RAD51B: variants seen among roughly 807,000 people sequenced by gnomAD.
RAD51B encodes RAD51 paralog B.
Under a neutral mutation model 42.2 loss-of-function variants are expected in RAD51B, and 38 were observed. The ratio of observed to expected loss-of-function variants is 0.90; its 90% CI spans 0.70 to 1.18. The LOEUF is 1.18. Among genes scored for constraint, RAD51B ranks in the 50% most tolerant of loss-of-function variants. The pLI, the probability that RAD51B is intolerant of heterozygous loss-of-function variation, is 0.00. For missense variants in RAD51B, 373 were observed against 400.7 expected (o/e 0.93, Z 0.59); for synonymous variants, 154 against 145.2 (o/e 1.06, Z -0.43).
rs571782256 is a variant in RAD51B, at chr14:68,665,712, C to T, written c.*11+14856C>T. ...TACTGCCCCTAGAGGTGCTTTTCCA[C>T]GAATGGCTAGATTATGAATGTTTAA... is the stretch of plus-strand genomic sequence containing the variant. On this transcript the variant is annotated intron_variant, in intron 11 of 11. Transcript: ENST00000488612. Among the ~76,000 whole-genome samples, 23 of 152,294 alleles carry T rather than the reference C, an allele frequency of 1.5e-4. No individual in the cohort carries two copies. The East Asian group carries it at 3.3e-3, about 22-fold the overall frequency.
At chr14:68,636,132 C>CCACTGTA (rs1211271173) in intron 10 of RAD51B, among the ~76,000 whole-genome samples, 2 of 152,210 alleles carry the variant, frequency 1.3e-5, no homozygotes, top group African/African-American at 4.8e-5. Context: ...TGTCATGGAT[C>CCACTGTA]CACTGTACTT....
At chr14:67,890,250 A>C (rs2043177300) in intron 7 of RAD51B, among the ~76,000 whole-genome samples, 1 of 152,126 alleles carries the variant, frequency 6.6e-6, no homozygotes, top group Non-Finnish European at 1.5e-5. Flanking sequence ...CTTAAAGAAA[A>C]TTTAGTTTGG....
chr14:68,340,007 G>C (rs981515149), intron 8 of RAD51B, among the ~76,000 whole-genome samples: 1 of 152,006 alleles, frequency 6.6e-6, no homozygotes, highest in Non-Finnish European at 1.5e-5. Context: ...TCTACACAAG[G>C]GTTAAAAAAA....
At chr14:68,028,482 T>A (rs550027038) in intron 7 of RAD51B, among the ~76,000 whole-genome samples, 11 of 152,324 alleles carry the variant, frequency 7.2e-5, no homozygotes, top group African/African-American at 2.6e-4. Context: ...TCTGTGAGTA[T>A]GGGCTCCTCC....
chr14:68,008,172 G>A (rs2075622638), intron 7 of RAD51B, among the ~76,000 whole-genome samples: 1 of 151,704 alleles, frequency 6.6e-6, no homozygotes, highest in South Asian at 2.1e-4. Context: ...TTTGCATATA[G>A]ATTACATACA....
chr14:68,475,652 CT>C lies in RAD51B; in HGVS notation c.1037-1986del, dbSNP rs375653232. The stretch of plus-strand genomic sequence containing the variant: ...TGGGTCCAAAGTCATAGACCAAACA[CT>C]TTTTTTTTTCCAAAATGTTTTTTCC... On this transcript the variant is annotated intron_variant, in intron 10 of 10. Coordinates refer to ENST00000471583, the MANE Select transcript of RAD51B (RefSeq NM_133510.4). Among the ~76,000 whole-genome samples, 345 of 150,000 alleles carry C rather than the reference CT, an allele frequency of 2.3e-3. 1 individual carries two copies. Among genetic ancestry groups the C allele is most frequent in the Non-Finnish European group, 3.8e-3 (255 of 67,366 alleles).
intron 7 of RAD51B, among the ~76,000 whole-genome samples, chr14:67,943,046 A>G (rs1012169846): frequency 6.6e-6 from 1 of 151,988 alleles, no homozygotes; most frequent in Non-Finnish European, 1.5e-5. Context: ...GATAAATAAG[A>G]TGGGTGGTCA....
At chr14:67,953,265 G>A (rs1191896433) in intron 7 of RAD51B, among the ~76,000 whole-genome samples, 1 of 152,096 alleles carries the variant, frequency 6.6e-6, no homozygotes, top group Non-Finnish European at 1.5e-5. Context: ...ATGGGATTGG[G>A]GTAGGAGTTA....
At chr14:67,966,926 A>T (rs1460016462) in intron 7 of RAD51B, among the ~76,000 whole-genome samples, 1 of 152,206 alleles carries the variant, frequency 6.6e-6, no homozygotes, top group African/African-American at 2.4e-5. Context: ...GACAATTAGA[A>T]GAGAAAAAAA....
At position 68,449,656 on chromosome 14, in the gene RAD51B, A is replaced by G. The variant is rs114153536; in HGVS notation, c.958-18516A>G. Reference sequence around the variant, plus strand: ...AGAGATCCTGCAGCTGTGCCTGAGGAGGACTGAGGTCTCCAGGCTCTTGTA... The same window carrying G: ...AGAGATCCTGCAGCTGTGCCTGAGGGGGACTGAGGTCTCCAGGCTCTTGTA... On this transcript the variant is annotated intron_variant, in intron 9 of 10. Coordinates refer to ENST00000471583, the MANE Select transcript of RAD51B (RefSeq NM_133510.4). 3.6e-3 allele frequency among the ~76,000 whole-genome samples: 547 copies of G among 152,260 alleles called. 4 individuals are homozygous for G. The highest frequency in any genetic ancestry group is 0.013 in the African/African-American group (529 of 41,548).
At chr14:68,025,730 T>C (rs1266364334) in intron 7 of RAD51B, among the ~76,000 whole-genome samples, 3 of 151,922 alleles carry the variant, frequency 2.0e-5, no homozygotes, top group Admixed American at 6.6e-5. Context: ...GCCATCTTTG[T>C]TATTTGTTTA....
chr14:68,446,958 T>C (rs145527663), intron 9 of RAD51B, among the ~76,000 whole-genome samples: 29 of 152,342 alleles, frequency 1.9e-4, no homozygotes, highest in African/African-American at 3.4e-4. Flanking sequence ...GGCTCATGCC[T>C]GTAATCCCAG....
chr14:67,850,315 AT>A (rs1380079421), intron 4 of RAD51B, among the ~76,000 whole-genome samples: 1 of 152,100 alleles, frequency 6.6e-6, no homozygotes, highest in East Asian at 1.9e-4. Flanking sequence ...TTTTGTAGAT[AT>A]TTTCATGCAG....
intron 8 of RAD51B, among the ~76,000 whole-genome samples, chr14:68,392,916 T>G (rs2083800498): frequency 6.6e-6 from 1 of 152,198 alleles, no homozygotes. Context: ...CTTTACAAGC[T>G]GACATAGGAC....
intron 8 of RAD51B, among the ~76,000 whole-genome samples, chr14:68,398,526 A>G (rs2083993573): frequency 6.6e-6 from 1 of 152,130 alleles, no homozygotes; most frequent in Non-Finnish European, 1.5e-5. Flanking sequence ...GGGCCCGGTA[A>G]CCAGCCCTGG....
At chr14:68,331,341 C>T (rs986715081) in intron 8 of RAD51B, among the ~76,000 whole-genome samples, 1 of 89,136 alleles carries the variant, frequency 1.1e-5, no homozygotes, top group Non-Finnish European at 2.4e-5. Context: ...GCACTCCAGC[C>T]TGGGCTACAG....
chr14:68,524,470 C>T (rs1390153170), intron 10 of RAD51B, among the ~76,000 whole-genome samples: 5 of 152,134 alleles, frequency 3.3e-5, no homozygotes, highest in Non-Finnish European at 7.4e-5. Flanking sequence ...AATAGAAGCA[C>T]ATTGTGAGTT....
intron 7 of RAD51B, among the ~76,000 whole-genome samples, chr14:67,933,099 C>T (rs969417701): frequency 6.6e-6 from 1 of 152,210 alleles, no homozygotes; most frequent in African/African-American, 2.4e-5. Flanking sequence ...TGGCAATATG[C>T]AGAGAAGGGG....
chr14:68,309,028 A>G (rs1446177744), intron 8 of RAD51B, among the ~76,000 whole-genome samples: 1 of 152,228 alleles, frequency 6.6e-6, no homozygotes, highest in African/African-American at 2.4e-5. Context: ...TGTTAGACCT[A>G]TGAACATATC....
Sources: gnomAD v4.1 joint callset for allele counts (sites outside exome capture counted in the v4.1 genomes callset) on GRCh38, gnomAD v4.1.1 for gene constraint, MANE v1.5 for transcripts, NCBI Gene and HGNC (gene_info 2026-07-23, HGNC 2026-07-21) for gene names.